ANKS1A: variants seen among roughly 807,000 people sequenced by gnomAD.
ANKS1A encodes ankyrin repeat and SAM domain-containing protein 1A.
A neutral mutation model predicts 120.3 loss-of-function variants in ANKS1A; 55 were observed. The observed-to-expected ratio is 0.46, with a 90% CI of 0.37 to 0.57. The LOEUF (loss-of-function observed/expected upper bound fraction) is 0.57. Among genes scored for constraint, ANKS1A ranks in the 20% least tolerant of loss-of-function variants. The pLI, the probability that ANKS1A is intolerant of heterozygous loss-of-function variation, is 0.00. For missense variants in ANKS1A, 1,123 were observed against 1,480.3 expected (o/e 0.76, Z 3.96); for synonymous variants, 590 against 604.7 (o/e 0.98, Z 0.36).
intron 1 of ANKS1A, among the ~76,000 whole-genome samples, chr6:34,924,684 G>A (rs1485963820): frequency 6.6e-6 from 1 of 152,218 alleles, no homozygotes; most frequent in African/African-American, 2.4e-5. Context: ...AGAGGAATCT[G>A]TTAGTGTATT....
intron 1 of ANKS1A, among the ~76,000 whole-genome samples, chr6:34,891,437 CT>C (rs1222844379): frequency 6.6e-6 from 1 of 152,212 alleles, no homozygotes; most frequent in Non-Finnish European, 1.5e-5. Flanking sequence ...GGTTTTGAAT[CT>C]TACCTGGATT....
intron 1 of ANKS1A, among the ~76,000 whole-genome samples, chr6:34,923,230 G>T (rs986581942): frequency 2.6e-5 from 4 of 152,204 alleles, no homozygotes; most frequent in African/African-American, 4.8e-5. Context: ...AAAAGTGAGT[G>T]TTGCCTTGAG....
In ANKS1A at chr6:35,018,011, G is replaced by A; in HGVS notation, c.1962G>A (p.Gly654=). 6.2e-7 allele frequency: 1 copy of A among 1,614,136 alleles called. No homozygotes were observed. The highest frequency in any genetic ancestry group is 1.1e-5 in the South Asian group (1 of 91,082). ...RSESLSNCSI[G]KKRLEKSPSF... ...AGTCCTTATCCAACTGCAGCATTGG[G>A]AAGAAAAGGCTAGAGAAGTCACCCT... Residue 654 remains glycine, a synonymous_variant, in exon 11 of 24, where the codon GGG becomes GGA. Transcript: ENST00000360359.
chr6:34,996,939 C>A (rs1308785087), intron 10 of ANKS1A, among the ~76,000 whole-genome samples: 1 of 151,984 alleles, frequency 6.6e-6, no homozygotes, highest in African/African-American at 2.4e-5. Flanking sequence ...TGAAAAAGAC[C>A]TTCCTTTCGC....
Position 35,044,442 on chromosome 6 carries a change from A to T in ANKS1A, c.2011-9657A>T, listed in dbSNP as rs1282346933. Among the ~76,000 whole-genome samples the T allele has an allele frequency of 6.6e-6, 1 of 152,186 alleles. No individual in the cohort carries two copies. Among genetic ancestry groups the T allele is most frequent in the Non-Finnish European group, 1.5e-5 (1 of 68,022 alleles). ...CTACCTGCAGACTCTGCCCTGTGGG[A>T]GCCAGCTCTGTCTGAGGTGAGGGAG... On this transcript the variant is annotated intron_variant, in intron 11 of 23. Coordinates refer to ENST00000360359, the MANE Select transcript of ANKS1A (RefSeq NM_015245.3). The surrounding 1 kb of genome is among the most constrained non-coding windows in gnomAD (Gnocchi z 4.4).
intron 1 of ANKS1A, among the ~76,000 whole-genome samples, chr6:34,921,000 T>C (rs963438525): frequency 2.6e-5 from 4 of 152,196 alleles, no homozygotes; most frequent in African/African-American, 9.7e-5. Context: ...TATTGTGCAG[T>C]TGCAATACTT....
At chr6:34,921,874 T>A (rs1489807774) in intron 1 of ANKS1A, among the ~76,000 whole-genome samples, 2 of 152,128 alleles carry the variant, frequency 1.3e-5, no homozygotes, top group African/African-American at 4.8e-5. Context: ...TAAAAAATTT[T>A]TTTGTAGAGA....
downstream of ANKS1A, among the ~76,000 whole-genome samples, chr6:35,092,863 C>G (rs1278323571): frequency 6.6e-6 from 1 of 152,182 alleles, no homozygotes; most frequent in African/African-American, 2.4e-5. Context: ...TCCTAGACAG[C>G]TGGGTTGTTA....
At chr6:34,967,685 G>A (rs1254348618) in intron 2 of ANKS1A, among the ~76,000 whole-genome samples, 4 of 152,062 alleles carry the variant, frequency 2.6e-5, no homozygotes, top group African/African-American at 4.8e-5. Context: ...TTGACAGAGT[G>A]ACCCTATCTC....
chr6:35,070,911 G>A (rs1022325884), intron 13 of ANKS1A: 8 of 660,824 alleles, frequency 1.2e-5, no homozygotes, highest in African/African-American at 5.4e-5. Flanking sequence ...TCCTTGGCCT[G>A]AGACTCCTTG....
At chr6:34,922,859 A>G (rs1444089272) in intron 1 of ANKS1A, among the ~76,000 whole-genome samples, 2 of 152,018 alleles carry the variant, frequency 1.3e-5, no homozygotes, top group East Asian at 1.9e-4. Flanking sequence ...ACACCTGGCT[A>G]ATTTTTTGTG....
downstream of ANKS1A, among the ~76,000 whole-genome samples, chr6:35,093,170 C>G (rs1354217884): frequency 6.6e-6 from 1 of 152,070 alleles, no homozygotes; most frequent in Non-Finnish European, 1.5e-5. Flanking sequence ...TTTGAGACCG[C>G]TTTTTTCAGG....
In ANKS1A at chr6:34,983,215, G is replaced by A; in HGVS notation, c.910+1G>A. 1 of 1,614,022 alleles carries A rather than the reference G, an allele frequency of 6.2e-7. No individual in the cohort carries two copies. The highest frequency in any genetic ancestry group is 8.5e-7 in the Non-Finnish European group (1 of 1,179,924). ...CAGCAAATAGCAGCATTAATTGAAGGTATCATCCTTTCTCCCTGTCTGGGT... is the reference window on the plus strand; with the variant it reads ...CAGCAAATAGCAGCATTAATTGAAGATATCATCCTTTCTCCCTGTCTGGGT... On this transcript the variant is annotated splice_donor_variant, in intron 6 of 23. Coordinates refer to ENST00000360359, the MANE Select transcript of ANKS1A (RefSeq NM_015245.3). LOFTEE classifies it high-confidence loss of function.
At chr6:34,992,960 G>A (rs746120735) in intron 9 of ANKS1A, among the ~76,000 whole-genome samples, 4 of 152,184 alleles carry the variant, frequency 2.6e-5, no homozygotes, top group Non-Finnish European at 5.9e-5. Flanking sequence ...TGCATTTCCA[G>A]TGGGCTAAGG....
At chr6:35,075,259 GC>G (rs959043092) in intron 13 of ANKS1A, among the ~76,000 whole-genome samples, 2 of 152,132 alleles carry the variant, frequency 1.3e-5, no homozygotes, top group Admixed American at 6.5e-5. Flanking sequence ...ATCTTTTTAA[GC>G]CTGACATAAC....
rs1022301692 is a variant in ANKS1A at position 35,065,211 on chromosome 6, C to A, written c.2184+4958C>A. Among the ~76,000 whole-genome samples, 8 of 140,556 alleles carry A rather than the reference C, an allele frequency of 5.7e-5. No homozygotes were observed. The East Asian group carries it at 2.1e-3, about 36-fold the overall frequency. 92.2% of individuals were successfully genotyped at this position (140,556 alleles called of 152,430 possible). On this transcript the variant is annotated intron_variant, in intron 13 of 23. Transcript: ENST00000360359. ...TTTCCAGCGAGTGCACCTCTTGCCC[C>A]CCCTCCCTTTCACTGCCTGACTGCA...
At chr6:35,038,969 A>G (rs1462273747) in intron 11 of ANKS1A, among the ~76,000 whole-genome samples, 1 of 152,160 alleles carries the variant, frequency 6.6e-6, no homozygotes, top group Non-Finnish European at 1.5e-5. Flanking sequence ...GTTTCTGCCC[A>G]TGGTAATATA....
intron 1 of ANKS1A, among the ~76,000 whole-genome samples, chr6:34,965,933 G>C (rs1770872402): frequency 6.6e-6 from 1 of 151,974 alleles, no homozygotes; most frequent in Non-Finnish European, 1.5e-5. Flanking sequence ...TTTTAGTAGA[G>C]GGTTTCACCA....
At chr6:34,972,557 T>C in intron 3 of ANKS1A, 1 of 982,494 alleles carries the variant, frequency 1.0e-6, no homozygotes, top group Non-Finnish European at 1.2e-6. Flanking sequence ...GTCATCACTT[T>C]TTCTTTTCCT....
Sources: allele counts gnomAD v4.1 joint callset (sites outside exome capture counted in the v4.1 genomes callset), GRCh38; gene constraint gnomAD v4.1.1; non-coding constraint Gnocchi (gnomAD v3.1); transcripts MANE v1.5; gene names NCBI Gene and HGNC (gene_info 2026-07-23, HGNC 2026-07-21).